The following PCDHA2 variants were observed in gnomAD, a reference collection of about 807,000 sequenced individuals.
The protein encoded by PCDHA2 is protocadherin alpha 2.
PCDHA2 carries 58 observed loss-of-function variants against 66.0 expected under a neutral mutation model. The ratio of observed to expected loss-of-function variants is 0.88; its 90% CI spans 0.71 to 1.09. The LOEUF (loss-of-function observed/expected upper bound fraction) is 1.09. Ranked by LOEUF, PCDHA2 falls within the 50% of genes least tolerant of loss-of-function variation. The pLI is 0.00. For missense variants in PCDHA2, 1,267 were observed against 1,242.3 expected (o/e 1.02, Z -0.30); for synonymous variants, 634 against 554.0 (o/e 1.14, Z -2.03).
intron 1 of PCDHA2, chr5:140,869,801 T>C: frequency 6.2e-7 from 1 of 1,612,816 alleles, no homozygotes; most frequent in African/African-American, 1.3e-5. Flanking sequence ...GTCCAAGTCT[T>C]GGATGTCAAC....
rs368920437 is a variant in PCDHA2, at chr5:140,857,660, G to T, written c.2388+60308G>T. On this transcript the variant is annotated intron_variant, in intron 1 of 3. Coordinates refer to ENST00000526136, the MANE Select transcript of PCDHA2 (RefSeq NM_018905.3). ...GCTACAGTTCCAGGTGAGCGCGCGC[G>T]ATGGGGGCGTGCCGCCTCTGGGCAG... is the stretch of plus-strand genomic sequence containing the variant. 1.2e-5 allele frequency: 19 copies of T among 1,596,850 alleles called. 2 individuals are homozygous for T. In the East Asian group the frequency reaches 1.3e-4, roughly 11 times the overall value.
At chr5:140,805,405 A>G in intron 1 of PCDHA2, 1 of 1,075,316 alleles carries the variant, frequency 9.3e-7, no homozygotes, top group Non-Finnish European at 1.1e-6. Context: ...TGATTCAGAA[A>G]TTTGGTGGGT....
At chr5:140,882,629 G>C in intron 1 of PCDHA2, 1 of 1,614,254 alleles carries the variant, frequency 6.2e-7, no homozygotes, top group Non-Finnish European at 8.5e-7. Context: ...CCATGTGGAG[G>C]TGAAGGTGAG....
At chr5:140,974,724 C>T (rs893225073) in intron 1 of PCDHA2, among the ~76,000 whole-genome samples, 11 of 152,168 alleles carry the variant, frequency 7.2e-5, no homozygotes, top group Admixed American at 2.6e-4. Flanking sequence ...TGCTCTCGAA[C>T]TCCTGTCTCC....
intron 1 of PCDHA2, among the ~76,000 whole-genome samples, chr5:140,963,916 T>A (rs186370400): frequency 2.0e-5 from 3 of 152,356 alleles, no homozygotes; most frequent in East Asian, 3.9e-4. Flanking sequence ...AAGCTTAGGC[T>A]AAGTAACATG....
At chr5:140,871,228 CTCCTGG>C in intron 1 of PCDHA2, 1 of 1,613,938 alleles carries the variant, frequency 6.2e-7, no homozygotes, top group Non-Finnish European at 8.5e-7. Context: ...GGTGTCCAGC[CTCCTGG>C]TACTCACGCT....
intron 1 of PCDHA2, chr5:140,807,117 T>C: frequency 6.5e-7 from 1 of 1,528,166 alleles, no homozygotes; most frequent in Non-Finnish European, 8.9e-7. Flanking sequence ...TGCACTTGAC[T>C]GACCGATTAA....
At chr5:140,858,446 T>G (rs782631209) in intron 1 of PCDHA2, 6 of 1,533,560 alleles carry the variant, frequency 3.9e-6, no homozygotes, top group Non-Finnish European at 5.3e-6. Flanking sequence ...GGTGGGTTAT[T>G]ACGTTTTCAT....
At chr5:140,850,125 C>T (rs2041366317) in intron 1 of PCDHA2, 1 of 1,596,002 alleles carries the variant, frequency 6.3e-7, no homozygotes, top group Non-Finnish European at 8.6e-7. Context: ...GGGCGTGCCG[C>T]CTCTGGGCAG....
Position 141,002,363 on chromosome 5 carries a change from A to G in PCDHA2, c.2537-7264A>G, listed in dbSNP as rs75749580. On this transcript the variant is annotated intron_variant, in intron 3 of 3. Transcript: ENST00000526136. ...CCTTCCCCCACCTCCACTCCTTTCAACTCATTCTGGCTTAGGGCTCCTGCT... is the reference window on the plus strand; with the variant it reads ...CCTTCCCCCACCTCCACTCCTTTCAGCTCATTCTGGCTTAGGGCTCCTGCT... Among the ~76,000 whole-genome samples, 567 of 152,272 alleles carry G rather than the reference A, an allele frequency of 3.7e-3. 5 individuals are homozygous for G. Among genetic ancestry groups the G allele is most frequent in the African/African-American group, 0.013 (537 of 41,558 alleles).
chr5:140,889,831 T>C (rs2062398202), intron 1 of PCDHA2, among the ~76,000 whole-genome samples: 1 of 152,138 alleles, frequency 6.6e-6, no homozygotes, highest in African/African-American at 2.4e-5. Flanking sequence ...AGTCTTACAG[T>C]ATGCTTTGGT....
chr5:140,854,000 CA>C (rs112540154), intron 1 of PCDHA2: 19,868 of 339,900 alleles, frequency 0.058, 122 homozygotes, highest in Non-Finnish European at 0.062. Context: ...TCATCTCTGC[CA>C]AAAAAAAAAA....
At chr5:140,824,706 C>T (rs1214365803) in intron 1 of PCDHA2, 3 of 149,174 alleles carry the variant, frequency 2.0e-5, no homozygotes, top group Admixed American at 6.7e-5. Flanking sequence ...GCCATGCTCC[C>T]GTCTCAGCCT....
intron 1 of PCDHA2, chr5:140,883,801 C>G: frequency 3.1e-6 from 5 of 1,612,430 alleles, no homozygotes; most frequent in Non-Finnish European, 4.2e-6. Flanking sequence ...TGTCGGTGCA[C>G]GCGGAGAGCG....
chr5:140,952,113 G>T (rs2094688731), intron 1 of PCDHA2, among the ~76,000 whole-genome samples: 1 of 151,990 alleles, frequency 6.6e-6, no homozygotes. Flanking sequence ...TCGTGTGAGG[G>T]ATGGGCTCCC....
At chr5:140,912,243 AATCTCCTTTGATGAC>A (rs2075829981) in intron 1 of PCDHA2, among the ~76,000 whole-genome samples, 1 of 152,012 alleles carries the variant, frequency 6.6e-6, no homozygotes, top group Admixed American at 6.6e-5. Context: ...CTCAAATGTT[AATCTCCTTTGATGAC>A]ACCCTCACAG....
At chr5:140,829,088 C>G in intron 1 of PCDHA2, 1 of 1,611,006 alleles carries the variant, frequency 6.2e-7, no homozygotes, top group Admixed American at 1.7e-5. Context: ...CATGGCGGGT[C>G]ATTGCACCGT....
chr5:140,849,638 C>T (rs2041012069), intron 1 of PCDHA2: 1 of 1,598,650 alleles, frequency 6.3e-7, no homozygotes, highest in African/African-American at 1.3e-5. Flanking sequence ...ACGCAGATGC[C>T]AACGGGCAGG....
At chr5:140,836,476 T>G (rs2150261790) in intron 1 of PCDHA2, 1 of 1,613,860 alleles carries the variant, frequency 6.2e-7, no homozygotes, top group South Asian at 1.1e-5. Context: ...GATGTCAACG[T>G]GTACCTGATC....
Sources: allele counts gnomAD v4.1 joint callset (sites outside exome capture counted in the v4.1 genomes callset), GRCh38; gene constraint gnomAD v4.1.1; transcripts MANE v1.5; gene names NCBI Gene and HGNC (gene_info 2026-07-23, HGNC 2026-07-21).